The following SLC22A14 variants were observed in gnomAD, a reference collection of about 807,000 sequenced individuals.
SLC22A14 encodes the protein organic cation transporter-like 4.
A neutral mutation model predicts 53.9 loss-of-function variants in SLC22A14; 50 were observed. That is an observed-to-expected ratio of 0.93 (90% CI 0.74 to 1.17). The LOEUF is 1.17. Ranked by LOEUF, SLC22A14 falls within the 50% of genes most tolerant of loss-of-function variation. The pLI, the probability that SLC22A14 is intolerant of heterozygous loss-of-function variation, is 0.00. For missense variants in SLC22A14, 671 were observed against 734.7 expected, an observed-to-expected ratio of 0.91 and a Z score of 1.00; for synonymous variants, 312 against 303.0, an observed-to-expected ratio of 1.03 and a Z score of -0.31.
intron 5 of SLC22A14, among the ~76,000 whole-genome samples, chr3:38,312,420 CAG>C (rs1704492512): frequency 6.6e-6 from 1 of 152,172 alleles, no homozygotes; most frequent in Non-Finnish European, 1.5e-5. Context: ...TGGGAAAAAA[CAG>C]AGAGGAGTTA....
Position 38,308,995 on chromosome 3 carries a change from A to T in SLC22A14, c.817A>T (p.Ile273Phe), listed in dbSNP as rs369028265. The T allele has an allele frequency of 2.2e-4, 353 of 1,614,070 alleles. No individual in the cohort carries two copies. The highest frequency in any genetic ancestry group is 2.9e-4 in the Non-Finnish European group (343 of 1,179,984). The change falls in exon 5 of 11, where the codon ATC becomes TTC. Residue 273 changes from isoleucine (I) to phenylalanine (F), a missense_variant. Physicochemically the swap from Ile to Phe is conservative, Grantham distance 21. Coordinates refer to ENST00000448498, the MANE Select transcript of SLC22A14 (RefSeq NM_001320033.2). ...LVGEHRAHAI[I>F]LGHCFFAVGA... ...GGGTGAGCACCGGGCCCATGCCATT[A>T]TCCTGGGACACTGCTTTTTCGCTGT...
At chr3:38,287,514 A>G (rs986410201) in intron 1 of SLC22A14, among the ~76,000 whole-genome samples, 2 of 152,206 alleles carry the variant, frequency 1.3e-5, no homozygotes, top group Non-Finnish European at 2.9e-5. Context: ...CTGACCTATC[A>G]TGCCACTCCC....
intron 5 of SLC22A14, among the ~76,000 whole-genome samples, 165 bp from the exon 6 acceptor site, chr3:38,312,834 G>A (rs1393430306): frequency 6.6e-6 from 1 of 152,216 alleles, no homozygotes; most frequent in Non-Finnish European, 1.5e-5. Flanking sequence ...CTGACCACCA[G>A]GGAGGAGCAG....
At position 38,316,374 on chromosome 3, in the gene SLC22A14, T is replaced by A. The variant is rs149623839; in HGVS notation, c.1583T>A (p.Leu528Ter). ...CTGGCCTCGGTGGCTGGAGCCATCTTGTCCCTGACAATCATCAGCCAGACC... is the reference window on the plus strand; with the variant it reads ...CTGGCCTCGGTGGCTGGAGCCATCTAGTCCCTGACAATCATCAGCCAGACC... ...VSLASVAGAILSLTIISQTPS... is the reference protein window; with the variant it reads ...VSLASVAGAI The change falls in exon 10 of 11, where the codon TTG becomes TAG. Residue 528 changes from leucine to a stop codon, truncating the protein, a stop_gained. Transcript: ENST00000448498. LOFTEE classifies it high-confidence loss of function. 1.7e-4 allele frequency: 274 copies of A among 1,614,058 alleles called. 1 individual carries two copies. Among genetic ancestry groups the A allele is most frequent in the Non-Finnish European group, 1.2e-4 (138 of 1,180,040 alleles).
chr3:38,309,218 A>T, intron 5 of SLC22A14, 96 bp downstream of exon 5: 1 of 1,114,794 alleles, frequency 9.0e-7, no homozygotes, highest in Non-Finnish European at 1.3e-6. Context: ...AATGGGTGGG[A>T]TTTCCCCTGG....
chr3:38,304,846 C>T (rs929233018), intron 1 of SLC22A14, among the ~76,000 whole-genome samples: 1 of 152,096 alleles, frequency 6.6e-6, no homozygotes, highest in Non-Finnish European at 1.5e-5. Context: ...TTTTAGAAAA[C>T]GTATTGTTTT....
chr3:38,298,597 T>C (rs1704093355), intron 1 of SLC22A14, among the ~76,000 whole-genome samples: 1 of 152,134 alleles, frequency 6.6e-6, no homozygotes, highest in African/African-American at 2.4e-5. Flanking sequence ...GGAGTCTTGC[T>C]CTGTCACCCA....
At chr3:38,305,839 G>A in intron 1 of SLC22A14, 188 bp from the exon 2 acceptor site, 1 of 615,634 alleles carries the variant, frequency 1.6e-6, no homozygotes, top group Non-Finnish European at 2.9e-6. Context: ...ACTCCAGGAT[G>A]GTTGGGCCAG....
rs745364463 is a variant in SLC22A14, at chr3:38,306,205, G to A, written c.179G>A (p.Gly60Glu). ...DKFANLLDAV[G>E]EFGTFQQRLV... is the part of the protein sequence containing the mutation. ...TTTGCCAACCTCCTGGATGCGGTGGGGGAGTTTGGCACATTCCAGCAGAGG... is the reference window on the plus strand; with the variant it reads ...TTTGCCAACCTCCTGGATGCGGTGGAGGAGTTTGGCACATTCCAGCAGAGG... The change falls in exon 2 of 11, where the codon GGG (glycine) becomes GAG (glutamate). Residue 60 changes from glycine to glutamate, a missense_variant. Transcript: ENST00000448498. 1.9e-6 allele frequency: 3 copies of A among 1,614,026 alleles called. No homozygotes were observed. The highest frequency in any genetic ancestry group is 2.5e-6 in the Non-Finnish European group (3 of 1,180,028).
intron 1 of SLC22A14, among the ~76,000 whole-genome samples, chr3:38,299,599 AT>A (rs1704115791): frequency 2.6e-5 from 4 of 152,180 alleles, no homozygotes; most frequent in Non-Finnish European, 5.9e-5. Context: ...GTCTCACCCT[AT>A]CGCCTAGGCT....
intron 2 of SLC22A14, 94 bp downstream of exon 2, chr3:38,306,636 G>A: frequency 1.6e-6 from 2 of 1,285,064 alleles, no homozygotes; most frequent in South Asian, 1.4e-5. Context: ...GAAGCTCAGA[G>A]ATGGGAAGCC....
intron 1 of SLC22A14, 46 bp downstream of exon 1, chr3:38,282,385 GC>G (rs530548355): frequency 6.6e-6 from 1 of 152,602 alleles, no homozygotes; most frequent in Non-Finnish European, 1.5e-5. Context: ...GGGAGGCAGG[GC>G]CGGGAGGGTG....
intron 1 of SLC22A14, among the ~76,000 whole-genome samples, chr3:38,303,322 T>C (rs1704214394): frequency 1.3e-5 from 2 of 152,184 alleles, no homozygotes; most frequent in South Asian, 2.1e-4. Flanking sequence ...GGTTGTTTAG[T>C]TGATTAATTT....
chr3:38,297,211 G>C (rs746419857), intron 1 of SLC22A14, among the ~76,000 whole-genome samples: 2 of 152,134 alleles, frequency 1.3e-5, no homozygotes, highest in Non-Finnish European at 2.9e-5. Flanking sequence ...CTACCTGTTT[G>C]GTCAGGTATG....
At chr3:38,313,687 C>CGCGCGCGCGCGCGT in intron 7 of SLC22A14, 40 bp from the exon 8 acceptor site, 1 of 749,304 alleles carries the variant, frequency 1.3e-6, no homozygotes, top group East Asian at 3.7e-5. Flanking sequence ...CGTGTGTGTG[C>CGCGCGCGCGCGCGT]GCGCGTGTGC....
chr3:38,296,008 CT>C (rs1479179735), intron 1 of SLC22A14, among the ~76,000 whole-genome samples: 2 of 152,182 alleles, frequency 1.3e-5, no homozygotes, highest in African/African-American at 4.8e-5. Context: ...CCTTAGATCC[CT>C]TTGGAGATAC....
At chr3:38,284,860 A>G (rs1703755395) in intron 1 of SLC22A14, among the ~76,000 whole-genome samples, 1 of 152,202 alleles carries the variant, frequency 6.6e-6, no homozygotes, top group African/African-American at 2.4e-5. Context: ...GTGGGACTGT[A>G]AGGAAATGGA....
chr3:38,280,546 C>T (rs1370349455), upstream of SLC22A14, among the ~76,000 whole-genome samples: 1 of 152,134 alleles, frequency 6.6e-6, no homozygotes, highest in Non-Finnish European at 1.5e-5. Flanking sequence ...GTTTCTTTAG[C>T]CTATGAGCCT....
At chr3:38,279,213 C>G (rs1049707486), upstream of SLC22A14, among the ~76,000 whole-genome samples, 1 of 152,218 alleles carries the variant, frequency 6.6e-6, no homozygotes, top group African/African-American at 2.4e-5. Context: ...CTCTATTTAG[C>G]TTCCTACTGT....
Sources: gnomAD v4.1 joint callset for allele counts (sites outside exome capture counted in the v4.1 genomes callset) on GRCh38, gnomAD v4.1.1 for gene constraint, MANE v1.5 for transcripts, NCBI Gene and HGNC (gene_info 2026-07-23, HGNC 2026-07-21) for gene names.